RASD2: variants seen among roughly 807,000 people sequenced by gnomAD.
The protein encoded by RASD2 is RASD family member 2.
Under a neutral mutation model 15.8 loss-of-function variants are expected in RASD2, and 7 were observed. That is an observed-to-expected ratio of 0.44 (90% CI 0.25 to 0.83). The LOEUF is 0.83. RASD2 is among the 40% of genes least tolerant of loss of function. The pLI is 0.20. For missense variants in RASD2, 274 were observed against 382.8 expected, an observed-to-expected ratio of 0.72 and a Z score of 2.37; for synonymous variants, 155 against 153.6, an observed-to-expected ratio of 1.01 and a Z score of -0.07.
In RASD2 at chr22:35,552,384, C is replaced by T; in HGVS notation, c.*352C>T. ...CTGCGTCATATGGAGCCTCCTGGGA[C>T]AAGCCTCAGGATGAAAAGGACACAG... On this transcript the variant is annotated 3_prime_UTR_variant, in exon 3 of 3. Transcript: ENST00000216127. The T allele has an allele frequency of 3.5e-6, 1 of 284,048 alleles. No individual in the cohort carries two copies. The highest frequency in any genetic ancestry group is 6.6e-6 in the Non-Finnish European group (1 of 150,498). 17.6% of individuals were successfully genotyped at this position (284,048 alleles called of 1,614,324 possible). A position where few individuals can be genotyped will look rare whatever the true frequency, so the allele number is the denominator to read the frequency against.
the RASD2 span, among the ~76,000 whole-genome samples, chr22:35,532,904 A>G: frequency 1.3e-5 from 2 of 152,210 alleles, no homozygotes; most frequent in Non-Finnish European, 2.9e-5. Flanking sequence ...AGGGAGCTGC[A>G]TGGGAGGTGG....
chr22:35,548,982 T>G (rs556934316), intron 2 of RASD2, among the ~76,000 whole-genome samples: 1 of 152,304 alleles, frequency 6.6e-6, no homozygotes, highest in African/African-American at 2.4e-5. Flanking sequence ...GGGTACCCGC[T>G]GCAATGAATA....
In RASD2 at chr22:35,547,072, T is replaced by A; in HGVS notation, c.263T>A (p.Ile88Asn). ...HPFPAMRRLS[I>N]LTGDVFILVF... is the part of the protein sequence containing the mutation. ...TTCCCCGCCATGCGCAGGCTGTCCA[T>A]CCTCACAGGTGAGGCCCACTGGTGC... is the stretch of plus-strand genomic sequence containing the variant. Residue 88 changes from isoleucine (I) to asparagine (N), a missense_variant, in exon 2 of 3, where the codon ATC (isoleucine) becomes AAC (asparagine). Transcript: ENST00000216127. 1 of 1,612,792 alleles carries A rather than the reference T, an allele frequency of 6.2e-7. No individual in the cohort carries two copies.
At chr22:35,540,487 G>A (rs564718075), upstream of RASD2, among the ~76,000 whole-genome samples, 65 of 150,294 alleles carry the variant, frequency 4.3e-4, 2 homozygotes, top group South Asian at 9.5e-3. Flanking sequence ...AGCGGGCTCT[G>A]GGGGGCAGAC....
Position 35,546,799 on chromosome 22 carries a change from A to G in RASD2, c.-9-2A>G. ...ATGCCTGCTTCTCTCGCTTTGTTGC[A>G]GCCCCGAGCCATGATGAAGACTTTG... is the stretch of plus-strand genomic sequence containing the variant. On this transcript the variant is annotated splice_acceptor_variant, in intron 1 of 2. Transcript: ENST00000216127. LOFTEE classifies it low-confidence loss of function (5UTR_SPLICE). 1 of 1,611,728 alleles carries G rather than the reference A, an allele frequency of 6.2e-7. No individual in the cohort carries two copies. Among genetic ancestry groups the G allele is most frequent in the East Asian group, 2.2e-5 (1 of 44,790 alleles).
At chr22:35,534,611 C>A in the RASD2 span, among the ~76,000 whole-genome samples, 1 of 152,198 alleles carries the variant, frequency 6.6e-6, no homozygotes, top group African/African-American at 2.4e-5. Context: ...TGGTTGATCA[C>A]AGTCATCATA....
At position 35,548,223 on chromosome 22, in the gene RASD2, G is replaced by T. The variant is rs185623158; in HGVS notation, c.271+1143G>T. Among the ~76,000 whole-genome samples the T allele has an allele frequency of 1.3e-4, 20 of 152,282 alleles. No homozygotes were observed. The East Asian group carries it at 3.3e-3, about 25-fold the overall frequency. On this transcript the variant is annotated intron_variant, in intron 2 of 2. Coordinates refer to ENST00000216127, the MANE Select transcript of RASD2 (RefSeq NM_014310.4). ...GACCCAGCACCTGGGTGTGAGCCCTGGTTCCGCTGCTTCCTGGCTTTGTAC... is the reference window on the plus strand; with the variant it reads ...GACCCAGCACCTGGGTGTGAGCCCTTGTTCCGCTGCTTCCTGGCTTTGTAC...
intron 2 of RASD2, among the ~76,000 whole-genome samples, chr22:35,550,254 A>G (rs964545610): frequency 6.6e-6 from 1 of 150,628 alleles, no homozygotes; most frequent in Non-Finnish European, 1.5e-5. Flanking sequence ...CAAGAGTGAA[A>G]CTCTGTCTCA....
chr22:35,538,230 C>T (rs1934272565), upstream of RASD2, among the ~76,000 whole-genome samples: 1 of 152,132 alleles, frequency 6.6e-6, no homozygotes, highest in South Asian at 2.1e-4. Flanking sequence ...TCTTGGCCTC[C>T]CAAAGTGCTG....
chr22:35,543,823 T>C (rs1052206870), intron 1 of RASD2, among the ~76,000 whole-genome samples: 2 of 147,536 alleles, frequency 1.4e-5, no homozygotes, highest in African/African-American at 2.6e-5. Flanking sequence ...CTCTGACTCT[T>C]TGCCTCCTCT....
At chr22:35,543,051 A>G (rs1370239835) in intron 1 of RASD2, among the ~76,000 whole-genome samples, 4 of 152,118 alleles carry the variant, frequency 2.6e-5, no homozygotes, top group Non-Finnish European at 5.9e-5. Flanking sequence ...CCAGACTTTG[A>G]AGCCAAACAG....
intron 1 of RASD2, among the ~76,000 whole-genome samples, chr22:35,544,255 T>A (rs762372147): frequency 1.3e-5 from 2 of 152,100 alleles, no homozygotes; most frequent in African/African-American, 2.4e-5. Context: ...TGTCATGGGG[T>A]AGGGCTTCTT....
chr22:35,551,610 A>T lies in RASD2; in HGVS notation c.379A>T (p.Thr127Ser). ...LEVKSCLKNK[T>S]KEAAELPMVI... ...GGTCAAGTCCTGCCTGAAGAACAAG[A>T]CCAAGGAGGCGGCGGAGCTGCCCAT... The change falls in exon 3 of 3, where the codon ACC (threonine) becomes TCC (serine). Residue 127 changes from threonine to serine, a missense_variant. Thr to Ser is a moderately conservative substitution (Grantham distance 58, BLOSUM62 1). Transcript: ENST00000216127. The surrounding 1 kb of genome is among the most constrained non-coding windows in gnomAD (Gnocchi z 4.9). 2.5e-6 allele frequency: 4 copies of T among 1,614,090 alleles called. No individual in the cohort carries two copies. Among genetic ancestry groups the T allele is most frequent in the Non-Finnish European group, 3.4e-6 (4 of 1,180,006 alleles).
rs937083749 is a variant in RASD2 at position 35,552,227 on chromosome 22, C to T, written c.*195C>T. 14 of 676,014 alleles carry T rather than the reference C, an allele frequency of 2.1e-5. No homozygotes were observed. The highest frequency in any genetic ancestry group is 3.2e-5 in the Non-Finnish European group (13 of 408,934). 41.9% of individuals were successfully genotyped at this position (676,014 alleles called of 1,614,324 possible). On this transcript the variant is annotated 3_prime_UTR_variant, in exon 3 of 3. Coordinates refer to ENST00000216127, the MANE Select transcript of RASD2 (RefSeq NM_014310.4). ...CAGCTTTCCTGAGTCCGCTTGTCCA[C>T]AGCTCCTTGGTGGTTTCATCTCCTC...
rs1427852351 is a variant in RASD2 at position 35,551,615 on chromosome 22, G to A, written c.384G>A (p.Lys128=). 1.2e-6 allele frequency: 2 copies of A among 1,614,200 alleles called. No individual in the cohort carries two copies. Among genetic ancestry groups the A allele is most frequent in the East Asian group, 2.2e-5 (1 of 44,880 alleles). Reference sequence around the variant, plus strand: ...AGTCCTGCCTGAAGAACAAGACCAAGGAGGCGGCGGAGCTGCCCATGGTCA... The same window carrying A: ...AGTCCTGCCTGAAGAACAAGACCAAAGAGGCGGCGGAGCTGCCCATGGTCA... ...EVKSCLKNKT[K]EAAELPMVIC... The change falls in exon 3 of 3, where the codon AAG becomes AAA. Residue 128 remains lysine, a synonymous_variant. Transcript: ENST00000216127. This position sits in a 1 kb window ranked among gnomAD's most constrained non-coding sequence, Gnocchi z 4.9.
At chr22:35,538,991 G>A (rs1457315393), upstream of RASD2, among the ~76,000 whole-genome samples, 2 of 152,186 alleles carry the variant, frequency 1.3e-5, no homozygotes, top group African/African-American at 2.4e-5. Context: ...AGGTGACTTT[G>A]GGCACATCCC....
intron 1 of RASD2, 149 bp downstream of exon 1, chr22:35,541,649 T>C (rs1224584842): frequency 6.6e-6 from 1 of 152,252 alleles, no homozygotes; most frequent in Non-Finnish European, 1.5e-5. Context: ...GCCGGGATCG[T>C]CTGGCAACTT....
At chr22:35,542,600 C>A (rs961351990) in intron 1 of RASD2, among the ~76,000 whole-genome samples, 3 of 152,212 alleles carry the variant, frequency 2.0e-5, no homozygotes, top group African/African-American at 7.2e-5. Context: ...AGAGTGGCAG[C>A]TGGAAGCCAG....
intron 1 of RASD2, among the ~76,000 whole-genome samples, chr22:35,545,291 C>G (rs1056556472): frequency 6.6e-6 from 1 of 152,156 alleles, no homozygotes; most frequent in African/African-American, 2.4e-5. Context: ...TTCATGATAG[C>G]CAGGAAGCGA....
Sources: allele counts gnomAD v4.1 joint callset (sites outside exome capture counted in the v4.1 genomes callset), GRCh38; gene constraint gnomAD v4.1.1; non-coding constraint Gnocchi (gnomAD v3.1); transcripts MANE v1.5; gene names NCBI Gene and HGNC (gene_info 2026-07-23, HGNC 2026-07-21).